The following MYBL2 variants were observed in gnomAD, a reference collection of about 807,000 sequenced individuals.
MYBL2 encodes the protein myb-related protein B.
A neutral mutation model predicts 79.9 loss-of-function variants in MYBL2; 28 were observed. The observed-to-expected ratio is 0.35, with a 90% confidence interval of 0.26 to 0.48. The LOEUF (loss-of-function observed/expected upper bound fraction) is 0.48. Ranked by LOEUF, MYBL2 falls within the 20% of genes least tolerant of loss-of-function variation. The pLI is 0.99. For synonymous variants in MYBL2, 378 were observed against 361.2 expected, an observed-to-expected ratio of 1.05 and a Z score of -0.53; for missense variants, 735 against 893.9, an observed-to-expected ratio of 0.82 and a Z score of 2.27.
At chr20:43,715,863 A>G (rs773915772) in intron 13 of MYBL2, 96 bp from the exon 14 acceptor site, 9 of 1,444,724 alleles carry the variant, frequency 6.2e-6, no homozygotes, top group Non-Finnish European at 7.4e-6. Flanking sequence ...TAGGGGAGGG[A>G]GGCTTATAAC....
rs1275064405 is a variant in MYBL2, at chr20:43,702,853, C to G, written c.1315C>G (p.Leu439Val). 6.2e-7 allele frequency: 1 copy of G among 1,612,376 alleles called. No individual in the cohort carries two copies. The highest frequency in any genetic ancestry group is 2.2e-5 in the East Asian group (1 of 44,826). The change falls in exon 8 of 14, where the codon CTC (leucine) becomes GTC (valine). Residue 439 changes from leucine to valine, a missense_variant. Around this residue, in one of 5 missense-constraint regions of MYBL2, gnomAD observed 243 missense variants for 327.2 expected, o/e 0.74. Coordinates refer to ENST00000217026, the MANE Select transcript of MYBL2 (RefSeq NM_002466.4). ...GTCCTTCCTGGATTCCTGTAACAGC[C>G]TCACGCCCAAGAGCACACCTGTTAA... Reference protein sequence around the residue: ...SLSFLDSCNSLTPKSTPVKTL... With the variant: ...SLSFLDSCNSVTPKSTPVKTL...
rs866703126 is a variant in MYBL2 at position 43,677,734 on chromosome 20, C to T, written c.114+3835C>T. Among the ~76,000 whole-genome samples, 423 of 150,126 alleles carry T rather than the reference C, an allele frequency of 2.8e-3. 1 individual carries two copies. The highest frequency in any genetic ancestry group is 0.01 in the African/African-American group (415 of 40,868). On this transcript the variant is annotated intron_variant, in intron 2 of 13. Coordinates refer to ENST00000217026, the MANE Select transcript of MYBL2 (RefSeq NM_002466.4). Reference sequence around the variant, plus strand: ...CACCCCGTCCGGGAGGTGAGGGGCGCCTCTGCCCGGCCGCCCCTACTGGGA... The same window carrying T: ...CACCCCGTCCGGGAGGTGAGGGGCGTCTCTGCCCGGCCGCCCCTACTGGGA...
chr20:43,671,032 G>C (rs1353980558), intron 1 of MYBL2, among the ~76,000 whole-genome samples: 1 of 149,538 alleles, frequency 6.7e-6, no homozygotes, highest in African/African-American at 2.5e-5. Flanking sequence ...GCAGTGGCAC[G>C]ATCTTGACTC....
At chr20:43,694,098 C>G (rs756387233) in intron 6 of MYBL2, among the ~76,000 whole-genome samples, 1 of 151,634 alleles carries the variant, frequency 6.6e-6, no homozygotes, top group Non-Finnish European at 1.5e-5. Flanking sequence ...TTTGGGAGGC[C>G]GAGGCGGGTG....
At chr20:43,687,778 G>A (rs1442978804) in intron 5 of MYBL2, among the ~76,000 whole-genome samples, 1 of 152,074 alleles carries the variant, frequency 6.6e-6, no homozygotes, top group Non-Finnish European at 1.5e-5. Flanking sequence ...CACGTTGGGT[G>A]GCTGAGGTGG....
chr20:43,693,856 GC>G (rs1163732978), intron 6 of MYBL2, among the ~76,000 whole-genome samples: 20 of 151,996 alleles, frequency 1.3e-4, no homozygotes, highest in Admixed American at 1.2e-3. Flanking sequence ...TTTAAGACCA[GC>G]TTGGGCAACA....
chr20:43,698,989 C>T (rs777306767), intron 6 of MYBL2, among the ~76,000 whole-genome samples: 9 of 152,014 alleles, frequency 5.9e-5, no homozygotes, highest in Non-Finnish European at 1.3e-4. Flanking sequence ...AGGCATAAGC[C>T]ACTGTACCTG....
At position 43,667,195 on chromosome 20, in the gene MYBL2, C is replaced by T. The variant is rs1464937741; in HGVS notation, c.-89C>T. The T allele has an allele frequency of 3.1e-6, 3 of 969,610 alleles. No homozygotes were observed. Among genetic ancestry groups the T allele is most frequent in the African/African-American group, 1.7e-5 (1 of 57,984 alleles). The allele number at this position is 969,610 out of a possible 1,614,324, so 60.1% of individuals were successfully genotyped here. A position where few individuals can be genotyped will look rare whatever the true frequency, so the allele number is the denominator to read the frequency against. On this transcript the variant is annotated 5_prime_UTR_variant, in exon 1 of 14. Transcript: ENST00000217026. Reference sequence around the variant, plus strand: ...AGCGCGGCCCGGGGCCCGGAGCGGCCGGAGCAGCCCGGGTCCTGACCCCGG... The same window carrying T: ...AGCGCGGCCCGGGGCCCGGAGCGGCTGGAGCAGCCCGGGTCCTGACCCCGG...
chr20:43,703,063 A>G (rs1376414967), intron 8 of MYBL2, among the ~76,000 whole-genome samples, 160 bp downstream of exon 8: 1 of 152,192 alleles, frequency 6.6e-6, no homozygotes, highest in Non-Finnish European at 1.5e-5. Flanking sequence ...AAATGTGATA[A>G]TCAGGATGAA....
chr20:43,681,085 A>G (rs1230384093), intron 2 of MYBL2, among the ~76,000 whole-genome samples: 1 of 152,166 alleles, frequency 6.6e-6, no homozygotes, highest in African/African-American at 2.4e-5. Flanking sequence ...CATCATAGTG[A>G]CACTGAGATT....
intron 6 of MYBL2, among the ~76,000 whole-genome samples, chr20:43,695,335 C>T (rs1053468889): frequency 4.6e-5 from 7 of 152,084 alleles, no homozygotes; most frequent in Non-Finnish European, 8.8e-5. Context: ...GCCACCATGC[C>T]GGGCCTGTGT....
chr20:43,716,315 C>A lies in MYBL2; in HGVS notation c.*228C>A. Reference sequence around the variant, plus strand: ...AACAAAGTTCCACTTCCAGGTCTGCCTGGTTCCCTCCCCAAGGCCACAGGG... The same window carrying A: ...AACAAAGTTCCACTTCCAGGTCTGCATGGTTCCCTCCCCAAGGCCACAGGG... On this transcript the variant is annotated 3_prime_UTR_variant, in exon 14 of 14. Transcript: ENST00000217026. 1.7e-6 allele frequency: 1 copy of A among 600,484 alleles called. No individual in the cohort carries two copies. The highest frequency in any genetic ancestry group is 3.3e-5 in the East Asian group (1 of 30,082). 37.2% of individuals were successfully genotyped at this position (600,484 alleles called of 1,614,324 possible).
At chr20:43,707,735 GCT>G (rs754868284) in intron 9 of MYBL2, among the ~76,000 whole-genome samples, 4 of 152,050 alleles carry the variant, frequency 2.6e-5, no homozygotes, top group Non-Finnish European at 5.9e-5. Flanking sequence ...AATTTGACAG[GCT>G]GTATGGTGGT....
At chr20:43,687,152 G>C in intron 5 of MYBL2, 80 bp downstream of exon 5, 3 of 1,420,618 alleles carry the variant, frequency 2.1e-6, no homozygotes, top group Non-Finnish European at 2.9e-6. Context: ...TTCCTGGGTG[G>C]GTATTGTGGT....
intron 1 of MYBL2, among the ~76,000 whole-genome samples, chr20:43,673,035 C>T (rs1477200817): frequency 1.3e-5 from 2 of 152,070 alleles, no homozygotes; most frequent in African/African-American, 2.4e-5. Flanking sequence ...CCTTCACCTC[C>T]CGGGTTCAAG....
chr20:43,715,040 C>T (rs560482570), intron 12 of MYBL2, 94 bp from the exon 13 acceptor site: 718 of 1,445,166 alleles, frequency 5.0e-4, no homozygotes, highest in Non-Finnish European at 6.6e-4. Context: ...TCTCAGCAGC[C>T]AGGTGGTGGT....
At chr20:43,685,040 G>A (rs1987237002) in intron 4 of MYBL2, among the ~76,000 whole-genome samples, 1 of 151,084 alleles carries the variant, frequency 6.6e-6, no homozygotes, top group African/African-American at 2.4e-5. Context: ...CCAGCTACTT[G>A]GGAGGCTGAG....
At chr20:43,674,276 A>T (rs1375392185) in intron 2 of MYBL2, among the ~76,000 whole-genome samples, 3 of 111,594 alleles carry the variant, frequency 2.7e-5, no homozygotes, top group African/African-American at 3.5e-5. Context: ...CGCTCTTGTC[A>T]CCCAGGCTAG....
chr20:43,682,616 C>G (rs375631410), intron 3 of MYBL2, among the ~76,000 whole-genome samples, 178 bp from the exon 4 acceptor site: 1 of 152,170 alleles, frequency 6.6e-6, no homozygotes, highest in African/African-American at 2.4e-5. Flanking sequence ...AAAGGGAAAC[C>G]GCCCATGTTC....
Sources: allele counts gnomAD v4.1 joint callset (sites outside exome capture counted in the v4.1 genomes callset), GRCh38; gene constraint gnomAD v4.1.1; regional missense constraint gnomAD v4.1.1; transcripts MANE v1.5; gene names NCBI Gene and HGNC (gene_info 2026-07-23, HGNC 2026-07-21).